The following CNIH3 variants were observed in gnomAD, a reference collection of about 807,000 sequenced individuals.
CNIH3 encodes the protein cornichon family AMPA receptor auxiliary protein 3.
A neutral mutation model predicts 24.1 loss-of-function variants in CNIH3; 14 were observed. The ratio of observed to expected loss-of-function variants is 0.58; its 90% CI spans 0.38 to 0.91. The LOEUF (loss-of-function observed/expected upper bound fraction) is 0.91. CNIH3 is among the 40% of genes least tolerant of loss of function. The pLI, the probability that CNIH3 is intolerant of heterozygous loss-of-function variation, is 0.00. For missense variants in CNIH3, 178 were observed against 196.8 expected, an observed-to-expected ratio of 0.90 and a Z score of 0.57; for synonymous variants, 68 against 73.8, an observed-to-expected ratio of 0.92 and a Z score of 0.40.
intron 3 of CNIH3, among the ~76,000 whole-genome samples, chr1:224,711,973 G>A (rs1365718956): frequency 6.6e-6 from 1 of 152,026 alleles, no homozygotes; most frequent in Non-Finnish European, 1.5e-5. Flanking sequence ...GCTGCATCAG[G>A]TCCCAACTCC....
At chr1:224,504,671 G>C (rs1677821120) in intron 1 of CNIH3, among the ~76,000 whole-genome samples, 1 of 152,090 alleles carries the variant, frequency 6.6e-6, no homozygotes, top group East Asian at 1.9e-4. Flanking sequence ...CTGTGACTTA[G>C]TTGTAACTGG....
intron 3 of CNIH3, among the ~76,000 whole-genome samples, chr1:224,597,391 A>G (rs1175158554): frequency 6.6e-6 from 1 of 152,182 alleles, no homozygotes; most frequent in Non-Finnish European, 1.5e-5. Context: ...GGAGGAAGGA[A>G]TGTTGCTCAG....
At chr1:224,482,091 C>T (rs940261335) in intron 1 of CNIH3, among the ~76,000 whole-genome samples, 7 of 152,272 alleles carry the variant, frequency 4.6e-5, no homozygotes, top group Middle Eastern at 3.4e-3. Context: ...GTTCAGTCAG[C>T]TTGTGTTGAA....
At chr1:224,709,152 G>A (rs1687989748) in intron 3 of CNIH3, among the ~76,000 whole-genome samples, 1 of 149,518 alleles carries the variant, frequency 6.7e-6, no homozygotes, top group Non-Finnish European at 1.5e-5. Flanking sequence ...TCCTGAGTAA[G>A]TGTGGGCTCT....
rs550531634 is a variant in CNIH3, at chr1:224,708,548, C to T, written c.199-21914C>T. ...ACGCATCTCAGAATCCCTTGCAGTC[C>T]GGCAGATGTGCCTCTCCTTCTATTG... On this transcript the variant is annotated intron_variant, in intron 3 of 5. Coordinates refer to ENST00000272133, the MANE Select transcript of CNIH3 (RefSeq NM_152495.2). Among the ~76,000 whole-genome samples the T allele has an allele frequency of 2.5e-3, 387 of 152,280 alleles. 3 individuals are homozygous for T. The highest frequency in any genetic ancestry group is 3.2e-3 in the Non-Finnish European group (216 of 68,024).
intron 3 of CNIH3, among the ~76,000 whole-genome samples, chr1:224,547,101 A>C (rs1400080177): frequency 6.6e-6 from 1 of 152,196 alleles, no homozygotes; most frequent in Non-Finnish European, 1.5e-5. Context: ...TATTATCTCC[A>C]AAATTGCAAG....
chr1:224,721,338 G>C (rs1688713385), intron 3 of CNIH3, among the ~76,000 whole-genome samples: 1 of 152,054 alleles, frequency 6.6e-6, no homozygotes, highest in Non-Finnish European at 1.5e-5. Context: ...CAAACCATCT[G>C]AGTCTTTGCC....
intron 3 of CNIH3, among the ~76,000 whole-genome samples, chr1:224,559,820 G>A (rs992761515): frequency 8.6e-5 from 13 of 151,946 alleles, no homozygotes; most frequent in African/African-American, 3.1e-4. Context: ...ATTCCAGTAG[G>A]CCCTGCATAC....
At position 224,458,668 on chromosome 1, in the gene CNIH3, G is replaced by A. The variant is rs139583894; in HGVS notation, n.203+23806G>A. On this transcript the variant is annotated intron_variant and non_coding_transcript_variant, in intron 1 of 5. Coordinates refer to the CNIH3 transcript ENST00000471578. The surrounding 1 kb of genome is among the most constrained non-coding windows in gnomAD (Gnocchi z 4.3). ...GAACTCACTTTTATGAATTTGTTGAGACCTTACCACTTTTCAAGTGTGTGT... is the reference window on the plus strand; with the variant it reads ...GAACTCACTTTTATGAATTTGTTGAAACCTTACCACTTTTCAAGTGTGTGT... Among the ~76,000 whole-genome samples the A allele has an allele frequency of 1.3e-5, 2 of 152,248 alleles. No individual in the cohort carries two copies. The highest frequency in any genetic ancestry group is 4.8e-5 in the African/African-American group (2 of 41,538).
intron 4 of CNIH3, chr1:224,574,693 G>A: frequency 1.7e-6 from 2 of 1,156,168 alleles, no homozygotes; most frequent in South Asian, 1.2e-5. Context: ...CATGAGAAGG[G>A]CCTGGTGAAA....
chr1:224,679,957 TGCCACTATA>T, intron 1 of CNIH3, among the ~76,000 whole-genome samples: 1 of 152,116 alleles, frequency 6.6e-6, no homozygotes, highest in African/African-American at 2.4e-5. Flanking sequence ...TACAGGTGCA[TGCCACTATA>T]CCCAGCTAAT....
At chr1:224,682,224 A>G (rs1233959964) in intron 2 of CNIH3, among the ~76,000 whole-genome samples, 3 of 152,216 alleles carry the variant, frequency 2.0e-5, no homozygotes, top group Non-Finnish European at 4.4e-5. Context: ...TAGGAACTTT[A>G]TATACATAAT....
At chr1:224,578,962 A>G (rs556039645) in intron 4 of CNIH3, among the ~76,000 whole-genome samples, 2 of 150,962 alleles carry the variant, frequency 1.3e-5, no homozygotes, top group Non-Finnish European at 2.9e-5. Context: ...TATCTCAATT[A>G]TTTCTTTGTC....
rs982671067 is a variant in CNIH3 at position 224,705,059 on chromosome 1, A to G, written c.198+20216A>G. On this transcript the variant is annotated intron_variant, in intron 3 of 5. Coordinates refer to ENST00000272133, the MANE Select transcript of CNIH3 (RefSeq NM_152495.2). The stretch of plus-strand genomic sequence containing the variant: ...CTTGAACCTGGGAGACGAAGGTTGC[A>G]GTGAGCCGAGATCACACCACTGCAC... 8.6e-5 allele frequency among the ~76,000 whole-genome samples: 13 copies of G among 151,706 alleles called. No homozygotes were observed. The South Asian group carries it at 2.1e-3, about 24-fold the overall frequency.
intron 3 of CNIH3, among the ~76,000 whole-genome samples, chr1:224,715,445 A>G (rs1041377260): frequency 1.3e-5 from 2 of 152,178 alleles, no homozygotes; most frequent in Non-Finnish European, 1.5e-5. Context: ...AGAACCTTCA[A>G]ATTCCTCTTC....
intron 1 of CNIH3, among the ~76,000 whole-genome samples, chr1:224,467,382 T>C (rs1004781413): frequency 6.6e-6 from 1 of 152,062 alleles, no homozygotes; most frequent in African/African-American, 2.4e-5. Context: ...ATTTTCTAAT[T>C]CTTAAGAGGT....
chr1:224,697,576 T>G (rs747879101), intron 3 of CNIH3, among the ~76,000 whole-genome samples: 1 of 152,186 alleles, frequency 6.6e-6, no homozygotes, highest in Non-Finnish European at 1.5e-5. Flanking sequence ...CCCAGTGGGA[T>G]GACTCATTGC....
intron 3 of CNIH3, among the ~76,000 whole-genome samples, chr1:224,552,280 T>C (rs908969493): frequency 5.3e-5 from 8 of 151,546 alleles, no homozygotes; most frequent in African/African-American, 1.7e-4. Context: ...ATGAATAATA[T>C]CACAGGCCAT....
intron 3 of CNIH3, among the ~76,000 whole-genome samples, chr1:224,721,030 CCT>C (rs1381469942): frequency 6.6e-6 from 1 of 152,146 alleles, no homozygotes; most frequent in East Asian, 1.9e-4. Context: ...TCCTTCATTT[CCT>C]CACTCAGAAC....
Sources: gnomAD v4.1 joint callset for allele counts (sites outside exome capture counted in the v4.1 genomes callset) on GRCh38, gnomAD v4.1.1 for gene constraint, Gnocchi (gnomAD v3.1) non-coding constraint, MANE v1.5 for transcripts, NCBI Gene and HGNC (gene_info 2026-07-23, HGNC 2026-07-21) for gene names.